The following DLGAP1 variants were observed in gnomAD, a reference collection of about 807,000 sequenced individuals.
The protein encoded by DLGAP1 is DLG associated protein 1.
In DLGAP1, 11 loss-of-function variants were observed where a neutral mutation model predicts 90.8. The ratio of observed to expected loss-of-function variants is 0.12; its 90% confidence interval spans 0.08 to 0.20. The LOEUF (loss-of-function observed/expected upper bound fraction) is 0.20, where lower values mean the gene tolerates loss of function less well. DLGAP1 is among the 10% of genes least tolerant of loss of function. The probability of loss-of-function intolerance (pLI) is 1.00; values close to 1 mark genes in which losing one functional copy is unlikely to be tolerated. For missense variants in DLGAP1, 1,050 were observed against 1,333.8 expected (o/e 0.79, Z 3.31); for synonymous variants, 558 against 540.7 (o/e 1.03, Z -0.44).
chr18:3,581,983 G>T lies in DLGAP1; in HGVS notation c.1857C>A (p.Gly619=). 1 of 1,614,030 alleles carries T rather than the reference G, an allele frequency of 6.2e-7. No homozygotes were observed. The highest frequency in any genetic ancestry group is 1.1e-5 in the South Asian group (1 of 91,084). Residue 619 remains glycine (G), a synonymous_variant, in exon 8 of 13, where the codon GGC becomes GGA. Transcript: ENST00000315677. Reference sequence around the variant, plus strand: ...TGGTGGTGACGGTGGCAGTGTTATTGCCCATGTGTTGACTGGCAGGGCCAT... The same window carrying T: ...TGGTGGTGACGGTGGCAGTGTTATTTCCCATGTGTTGACTGGCAGGGCCAT... ...QIHGPASQHM[G]NNTATVTTTT...
At chr18:3,539,866 T>C (rs572050540) in intron 9 of DLGAP1, among the ~76,000 whole-genome samples, 2 of 151,698 alleles carry the variant, frequency 1.3e-5, no homozygotes, top group African/African-American at 4.9e-5. Flanking sequence ...CCCTGGCCTC[T>C]GCTTAGCGTC....
chr18:4,130,209 T>G (rs2076292779), intron 2 of DLGAP1, among the ~76,000 whole-genome samples: 1 of 152,220 alleles, frequency 6.6e-6, no homozygotes, highest in African/African-American at 2.4e-5. Flanking sequence ...AACAAAACCT[T>G]TTCAGTTATA....
chr18:3,675,839 A>C (rs1276063208), intron 7 of DLGAP1, among the ~76,000 whole-genome samples: 1 of 152,264 alleles, frequency 6.6e-6, no homozygotes, highest in African/African-American at 2.4e-5. Flanking sequence ...AAATACTGCC[A>C]CATGACTTTT....
chr18:3,864,082 A>G (rs563585856), intron 4 of DLGAP1, among the ~76,000 whole-genome samples: 3 of 152,320 alleles, frequency 2.0e-5, no homozygotes, highest in Admixed American at 1.3e-4. Context: ...CCCAGAGTTC[A>G]GTCTGGGTCA....
Position 3,916,938 on chromosome 18 carries a change from G to A in DLGAP1, c.-72-36798C>T, listed in dbSNP as rs562387373. On this transcript the variant is annotated intron_variant, in intron 3 of 12. Coordinates refer to ENST00000315677, the MANE Select transcript of DLGAP1 (RefSeq NM_004746.4). ...TGGTGTAGGATTTTTTTGACTTTAC[G>A]ATGGTGCAAAAGCAATACACATTTA... 3.3e-5 allele frequency among the ~76,000 whole-genome samples: 5 copies of A among 152,258 alleles called. 1 individual carries two copies. In the South Asian group the frequency reaches 6.2e-4, roughly 19 times the overall value.
chr18:3,774,979 A>T (rs2064872612), intron 5 of DLGAP1, among the ~76,000 whole-genome samples: 1 of 152,174 alleles, frequency 6.6e-6, no homozygotes, highest in African/African-American at 2.4e-5. Context: ...AACTGAACTC[A>T]TATCGCAGGA....
intron 5 of DLGAP1, among the ~76,000 whole-genome samples, chr18:3,746,763 T>TA (rs1469255703): frequency 6.6e-6 from 1 of 152,184 alleles, no homozygotes; most frequent in Admixed American, 6.5e-5. Context: ...ATGTGGATTT[T>TA]AAAAAACATA....
At chr18:3,925,370 G>T (rs2072359428) in intron 3 of DLGAP1, among the ~76,000 whole-genome samples, 1 of 150,804 alleles carries the variant, frequency 6.6e-6, no homozygotes, top group Admixed American at 6.6e-5. Flanking sequence ...CCTCTACCAT[G>T]GCCCCTGATA....
intron 1 of DLGAP1, among the ~76,000 whole-genome samples, chr18:4,416,230 T>A (rs993491113): frequency 6.6e-6 from 1 of 152,172 alleles, no homozygotes; most frequent in African/African-American, 2.4e-5. Context: ...TATCCTGTCA[T>A]TATTTATTTT....
rs35775897 is a variant in DLGAP1 at position 4,136,905 on chromosome 18, G to GTT, written c.-159+14273_-159+14274dup. ...TCAGTTTTTATTCAATTTTGATGTG[G>GTT]TTTTTTTATTATACTTTAAGTTTTA... On this transcript the variant is annotated intron_variant, in intron 2 of 12. Coordinates refer to ENST00000315677, the MANE Select transcript of DLGAP1 (RefSeq NM_004746.4). Among the ~76,000 whole-genome samples the GTT allele has an allele frequency of 1.2e-4, 19 of 152,032 alleles. No homozygotes were observed. In the East Asian group the frequency reaches 1.4e-3, roughly 11 times the overall value.
intron 1 of DLGAP1, among the ~76,000 whole-genome samples, chr18:4,260,285 T>C (rs2078977096): frequency 6.6e-6 from 1 of 152,152 alleles, no homozygotes; most frequent in African/African-American, 2.4e-5. Context: ...GCAAAGCTTT[T>C]TAATAGGATG....
At chr18:3,995,711 T>A (rs2074055358) in intron 3 of DLGAP1, 1 of 151,072 alleles carries the variant, frequency 6.6e-6, no homozygotes, top group Non-Finnish European at 1.5e-5. Flanking sequence ...CTCGCTTTGG[T>A]GCAACGTGAG....
chr18:4,357,729 A>G (rs2081552350), intron 1 of DLGAP1, among the ~76,000 whole-genome samples: 1 of 152,192 alleles, frequency 6.6e-6, no homozygotes, highest in Admixed American at 6.5e-5. Context: ...TCACTGCTGC[A>G]AGGTCAGCTA....
At chr18:3,627,838 T>C (rs1338501898) in intron 7 of DLGAP1, among the ~76,000 whole-genome samples, 2 of 151,438 alleles carry the variant, frequency 1.3e-5, no homozygotes, top group African/African-American at 4.8e-5. Context: ...TTTCTTTCTT[T>C]CTTCCTTCCT....
chr18:4,438,431 CAAAAAAAAAA>C (rs11389361), intron 1 of DLGAP1, among the ~76,000 whole-genome samples: 2 of 52,108 alleles, frequency 3.8e-5, no homozygotes, highest in African/African-American at 8.5e-5. Context: ...GACTCCATCT[CAAAAAAAAAA>C]AAAAAAAAAA....
chr18:3,671,940 A>T (rs1021939340), intron 7 of DLGAP1, among the ~76,000 whole-genome samples: 1 of 152,092 alleles, frequency 6.6e-6, no homozygotes, highest in Non-Finnish European at 1.5e-5. Context: ...AATCCTTCCA[A>T]TTGCCAACAG....
chr18:4,189,351 T>C (rs1046829083), intron 1 of DLGAP1, among the ~76,000 whole-genome samples: 4 of 152,166 alleles, frequency 2.6e-5, no homozygotes, highest in African/African-American at 9.7e-5. Flanking sequence ...AGAACAGTTG[T>C]AGCTTAAAAG....
chr18:3,781,122 C>T (rs985066799), intron 5 of DLGAP1, among the ~76,000 whole-genome samples: 7 of 152,126 alleles, frequency 4.6e-5, no homozygotes, highest in African/African-American at 9.6e-5. Flanking sequence ...GCCACTCTGC[C>T]TGGCCCAATG....
At chr18:4,262,353 A>T (rs1470261466) in intron 1 of DLGAP1, among the ~76,000 whole-genome samples, 1 of 152,054 alleles carries the variant, frequency 6.6e-6, no homozygotes, top group Non-Finnish European at 1.5e-5. Flanking sequence ...GTGTGTGTGC[A>T]TGCAGGGATG....
Sources: allele counts gnomAD v4.1 joint callset (sites outside exome capture counted in the v4.1 genomes callset), GRCh38; gene constraint gnomAD v4.1.1; transcripts MANE v1.5; gene names NCBI Gene and HGNC (gene_info 2026-07-23, HGNC 2026-07-21).